Variants in NMD3 observed in about 807,000 individuals in gnomAD.
NMD3 encodes 60S ribosomal export protein NMD3.
Under a neutral mutation model 73.1 loss-of-function variants are expected in NMD3, and 47 were observed. The ratio of observed to expected loss-of-function variants is 0.64; its 90% CI spans 0.51 to 0.82. The LOEUF (loss-of-function observed/expected upper bound fraction) is 0.82. NMD3 is among the 40% of genes least tolerant of loss of function. The pLI, the probability that NMD3 is intolerant of heterozygous loss-of-function variation, is 0.00. For missense variants in NMD3, 554 were observed against 612.5 expected (o/e 0.90, Z 1.01); for synonymous variants, 210 against 194.5 (o/e 1.08, Z -0.66).
chr3:161,246,806 T>C (rs890792109), intron 12 of NMD3, among the ~76,000 whole-genome samples: 7 of 152,332 alleles, frequency 4.6e-5, no homozygotes, highest in African/African-American at 1.7e-4. Context: ...ACTATATATA[T>C]ACAAAGGGCT....
rs374827938 is a variant in NMD3, at chr3:161,235,125, T to G, written c.490T>G (p.Leu164Val). Reference protein sequence around the residue: ...KAVIQVRQKTLHKKTFYYLEQ... With the variant: ...KAVIQVRQKTVHKKTFYYLEQ... ...GATCAAATAATTTATATTTTAGACTTTGCATAAAAAAACTTTCTACTATCT... is the reference window on the plus strand; with the variant it reads ...GATCAAATAATTTATATTTTAGACTGTGCATAAAAAAACTTTCTACTATCT... The change falls in exon 7 of 16, where the codon TTG becomes GTG. Residue 164 changes from leucine (L) to valine (V), a missense_variant. Transcript: ENST00000351193. 32 of 1,453,174 alleles carry G rather than the reference T, an allele frequency of 2.2e-5. No individual in the cohort carries two copies. The highest frequency in any genetic ancestry group is 2.9e-5 in the Non-Finnish European group (30 of 1,050,066). 90.0% of individuals were successfully genotyped at this position (1,453,174 alleles called of 1,614,324 possible).
intron 4 of NMD3, 94 bp downstream of exon 4, chr3:161,227,437 A>ATTTTT (rs55825529): frequency 3.6e-5 from 13 of 360,844 alleles, no homozygotes; most frequent in African/African-American, 8.8e-5. Context: ...TTCAAAAGGA[A>ATTTTT]TTTTTTTTTT....
At chr3:161,227,151 C>G in intron 3 of NMD3, 96 bp from the exon 4 acceptor site, 1 of 624,918 alleles carries the variant, frequency 1.6e-6, no homozygotes, top group Non-Finnish European at 2.8e-6. Flanking sequence ...TTTTATTATG[C>G]CTGGTTAATA....
rs752186980 is a variant in NMD3 at position 161,241,126 on chromosome 3, C to T, written c.834C>T (p.Thr278=). ...AGATTTGTGTGTGTATTCGAGTAAC[C>T]AGTGCCATTCACCTCATTGATCCAA... ...MNQICVCIRV[T]SAIHLIDPNT... The change falls in exon 10 of 16, where the codon ACC becomes ACT. Residue 278 remains threonine (T), a synonymous_variant. Transcript: ENST00000351193. 3 of 1,612,504 alleles carry T rather than the reference C, an allele frequency of 1.9e-6. No homozygotes were observed. Among genetic ancestry groups the T allele is most frequent in the Non-Finnish European group, 2.5e-6 (3 of 1,178,792 alleles).
At chr3:161,226,736 T>C (rs2108076067) in intron 3 of NMD3, among the ~76,000 whole-genome samples, 1 of 152,332 alleles carries the variant, frequency 6.6e-6, no homozygotes, top group African/African-American at 2.4e-5. Context: ...TTTAGTCTGG[T>C]TTTACCCAAG....
intron 13 of NMD3, among the ~76,000 whole-genome samples, chr3:161,248,684 T>C (rs553710159): frequency 6.6e-6 from 1 of 152,294 alleles, no homozygotes; most frequent in Admixed American, 6.5e-5. Context: ...GGAAAAAAAC[T>C]ATTAATTCTG....
chr3:161,222,604 T>C (rs1387528824), intron 2 of NMD3, among the ~76,000 whole-genome samples: 1 of 151,168 alleles, frequency 6.6e-6, no homozygotes, highest in East Asian at 1.9e-4. Flanking sequence ...TTTTTTTTGC[T>C]GTTAAATAGG....
intron 3 of NMD3, 35 bp from the exon 4 acceptor site, chr3:161,227,212 G>A: frequency 7.7e-7 from 1 of 1,297,560 alleles, no homozygotes; most frequent in Non-Finnish European, 1.1e-6. Context: ...TTTCCTGACA[G>A]ATGTTGGATT....
downstream of NMD3, chr3:161,252,710 G>A (rs1052671097): frequency 1.6e-6 from 1 of 609,370 alleles, no homozygotes; most frequent in Non-Finnish European, 3.0e-6. Flanking sequence ...ACAAGAACAT[G>A]ATTTATAACC....
intron 9 of NMD3, among the ~76,000 whole-genome samples, chr3:161,240,006 A>G (rs899584018): frequency 6.6e-6 from 1 of 152,234 alleles, no homozygotes; most frequent in Non-Finnish European, 1.5e-5. Context: ...ATCTTGAGAA[A>G]TATGAATTTA....
At chr3:161,242,908 T>TA (rs747448768) in intron 11 of NMD3, among the ~76,000 whole-genome samples, 3 of 152,154 alleles carry the variant, frequency 2.0e-5, no homozygotes, top group Non-Finnish European at 4.4e-5. Context: ...CCATTATATT[T>TA]AAAAAAGGCA....
intron 7 of NMD3, among the ~76,000 whole-genome samples, chr3:161,236,882 A>G (rs1321008438): frequency 6.6e-6 from 1 of 152,164 alleles, no homozygotes; most frequent in Non-Finnish European, 1.5e-5. Context: ...GTTTATTTCT[A>G]GAATCTGAAG....
At chr3:161,252,659 A>G (rs948190719), downstream of NMD3, 1 of 514,596 alleles carries the variant, frequency 1.9e-6, no homozygotes, top group Non-Finnish European at 3.5e-6. Flanking sequence ...GTCATATCCC[A>G]AAGTTGTTAT....
At chr3:161,245,805 A>C (rs1737181100) in intron 11 of NMD3, among the ~76,000 whole-genome samples, 1 of 152,012 alleles carries the variant, frequency 6.6e-6, no homozygotes, top group Non-Finnish European at 1.5e-5. Flanking sequence ...GATGTAGAGA[A>C]TGATTGTAGT....
chr3:161,240,353 T>C (rs1416657254), intron 9 of NMD3, among the ~76,000 whole-genome samples: 1 of 152,146 alleles, frequency 6.6e-6, no homozygotes, highest in Non-Finnish European at 1.5e-5. Flanking sequence ...CCTTTGAAGT[T>C]TATTTTTTAA....
intron 14 of NMD3, 103 bp downstream of exon 14, chr3:161,249,663 A>G (rs1356371742): frequency 1.3e-6 from 1 of 747,824 alleles, no homozygotes; most frequent in Non-Finnish European, 2.4e-6. Context: ...TGATCCTTGC[A>G]CTCAATTATA....
intron 4 of NMD3, among the ~76,000 whole-genome samples, chr3:161,227,674 C>T (rs1736376826): frequency 6.6e-6 from 1 of 151,874 alleles, no homozygotes; most frequent in African/African-American, 2.4e-5. Flanking sequence ...GTCTCGAACT[C>T]CTGACCTCGT....
rs376329329 is a variant in NMD3, at chr3:161,221,958, CTTTTT to C, written c.-20-10_-20-6del. 1.8e-3 allele frequency: 1,520 copies of C among 867,960 alleles called. 1 individual carries two copies. The highest frequency in any genetic ancestry group is 3.3e-3 in the African/African-American group (156 of 46,948). The allele number at this position is 867,960 out of a possible 1,614,324, so 53.8% of individuals were successfully genotyped here. A position where few individuals can be genotyped will look rare whatever the true frequency, so the allele number is the denominator to read the frequency against. On this transcript the variant is annotated intron_variant, in intron 1 of 15. Transcript: ENST00000351193. Reference sequence around the variant, plus strand: ...AAAGTGATTTAAATCCCAACATTCTCTTTTTTTTTTTTTTTTTTTTTTTTTTTTTT... The same window carrying C: ...AAAGTGATTTAAATCCCAACATTCTCTTTTTTTTTTTTTTTTTTTTTTTTT...
rs1295541410 is a variant in NMD3 at position 161,227,361 on chromosome 3, A to T, written c.276+18A>T. On this transcript the variant is annotated intron_variant, in intron 4 of 15. Coordinates refer to ENST00000351193, the MANE Select transcript of NMD3 (RefSeq NM_015938.5). ...TGAGTAAGGTAAGTTAAACAGCTAA[A>T]ATCAGTATTCATAGGTATGTTTTCA... 1 of 1,454,370 alleles carries T rather than the reference A, an allele frequency of 6.9e-7. No individual in the cohort carries two copies. The highest frequency in any genetic ancestry group is 1.2e-5 in the South Asian group (1 of 86,338). 90.1% of individuals were successfully genotyped at this position (1,454,370 alleles called of 1,614,324 possible).
Sources: allele counts gnomAD v4.1 joint callset (sites outside exome capture counted in the v4.1 genomes callset), GRCh38; gene constraint gnomAD v4.1.1; transcripts MANE v1.5; gene names NCBI Gene and HGNC (gene_info 2026-07-23, HGNC 2026-07-21).